PAG1: variants seen among roughly 807,000 people sequenced by gnomAD.
PAG1 encodes the protein phosphoprotein associated with glycosphingolipid-enriched microdomains 1.
Under a neutral mutation model 31.7 loss-of-function variants are expected in PAG1, and 23 were observed. The observed-to-expected ratio is 0.73, with a 90% CI of 0.52 to 1.03. The LOEUF (loss-of-function observed/expected upper bound fraction) is 1.03. PAG1 is among the 50% of genes least tolerant of loss of function. PAG1 has a pLI of 0.00. For synonymous variants in PAG1, 214 were observed against 210.3 expected (o/e 1.02, Z -0.15); for missense variants, 473 against 540.7 (o/e 0.87, Z 1.24).
At chr8:81,106,190 T>C (rs556488121) in intron 1 of PAG1, among the ~76,000 whole-genome samples, 33 of 152,154 alleles carry the variant, frequency 2.2e-4, no homozygotes, top group African/African-American at 8.0e-4. Context: ...GGATTACAGG[T>C]GCACACCACC....
chr8:81,037,611 A>T (rs1586180499), intron 2 of PAG1, among the ~76,000 whole-genome samples: 1 of 152,386 alleles, frequency 6.6e-6, no homozygotes, highest in African/African-American at 2.4e-5. Flanking sequence ...GTAAGATTAG[A>T]TTCAGTACTT....
In PAG1 at chr8:80,975,678, T is replaced by C. The variant is rs979423659; in HGVS notation, c.*866A>G. 1 of 152,210 alleles carries C rather than the reference T, an allele frequency of 6.6e-6. No individual in the cohort carries two copies. The highest frequency in any genetic ancestry group is 2.4e-5 in the African/African-American group (1 of 41,460). 9.4% of individuals were successfully genotyped at this position (152,210 alleles called of 1,614,324 possible). A position where few individuals can be genotyped will look rare whatever the true frequency, so the allele number is the denominator to read the frequency against. ...TCCCAACATAAAGATTAAGGCTCTC[T>C]GTTTTGAAGGAATGAGTTCTGGGCT... On this transcript the variant is annotated 3_prime_UTR_variant, in exon 9 of 9. Coordinates refer to ENST00000220597, the MANE Select transcript of PAG1 (RefSeq NM_018440.4).
chr8:81,071,561 G>A (rs1809093524), intron 1 of PAG1, among the ~76,000 whole-genome samples: 1 of 152,184 alleles, frequency 6.6e-6, no homozygotes, highest in Admixed American at 6.5e-5. Context: ...TTGGGAACAA[G>A]TATTTGGGAA....
chr8:81,092,954 G>A (rs1809472212), intron 1 of PAG1, among the ~76,000 whole-genome samples: 1 of 152,174 alleles, frequency 6.6e-6, no homozygotes. Flanking sequence ...ATATAGGCAA[G>A]TCACACCACC....
intron 3 of PAG1, among the ~76,000 whole-genome samples, chr8:80,997,091 C>T (rs1197975574): frequency 1.3e-5 from 2 of 152,158 alleles, no homozygotes; most frequent in Non-Finnish European, 1.5e-5. Flanking sequence ...TTATTTTAGG[C>T]TGATTCAATA....
intron 2 of PAG1, among the ~76,000 whole-genome samples, chr8:81,053,231 C>A (rs1169820914): frequency 6.6e-6 from 1 of 152,002 alleles, no homozygotes; most frequent in East Asian, 1.9e-4. Flanking sequence ...CCAATGAGGC[C>A]CTGAATAAAG....
At chr8:81,050,780 T>C (rs1250219768) in intron 2 of PAG1, among the ~76,000 whole-genome samples, 4 of 152,214 alleles carry the variant, frequency 2.6e-5, no homozygotes, top group Admixed American at 2.6e-4. Flanking sequence ...GTCCATCAGC[T>C]GGTGAGTCAA....
chr8:81,044,036 G>A (rs989195808), intron 2 of PAG1, among the ~76,000 whole-genome samples: 12 of 152,092 alleles, frequency 7.9e-5, no homozygotes, highest in East Asian at 1.9e-4. Flanking sequence ...CTTCTTGAAC[G>A]GTCAAGGCCA....
intron 1 of PAG1, among the ~76,000 whole-genome samples, chr8:81,090,390 TA>T (rs1420775410): frequency 3.3e-5 from 5 of 152,168 alleles, no homozygotes; most frequent in Non-Finnish European, 7.4e-5. Flanking sequence ...TGAGGACAAT[TA>T]AAAAGATAGG....
At position 81,057,631 on chromosome 8, in the gene PAG1, G is replaced by A. The variant is rs764942395; in HGVS notation, c.-175+12481C>T. Among the ~76,000 whole-genome samples the A allele has an allele frequency of 3.3e-5, 5 of 151,804 alleles. No homozygotes were observed. The East Asian group carries it at 7.8e-4, about 24-fold the overall frequency. ...ACCTAATGCAAATGACGAGTTAATC[G>A]GTGCAGCACACCAACATGGCACATG... On this transcript the variant is annotated intron_variant, in intron 2 of 8. Transcript: ENST00000220597.
At chr8:80,995,706 A>C (rs182680978) in intron 3 of PAG1, among the ~76,000 whole-genome samples, 14 of 152,330 alleles carry the variant, frequency 9.2e-5, no homozygotes, top group Admixed American at 7.8e-4. Context: ...TGTTCTTAAA[A>C]AGAGTTTGCT....
chr8:81,020,709 C>A (rs1224754041), intron 3 of PAG1, among the ~76,000 whole-genome samples: 1 of 152,104 alleles, frequency 6.6e-6, no homozygotes, highest in Non-Finnish European at 1.5e-5. Context: ...CAATAGGGTT[C>A]CTTTTTGTGA....
chr8:80,980,174 C>G (rs1468566261), intron 8 of PAG1, among the ~76,000 whole-genome samples: 1 of 152,194 alleles, frequency 6.6e-6, no homozygotes, highest in Admixed American at 6.5e-5. Flanking sequence ...CTCCCCTGCC[C>G]TCTCTATTTT....
intron 1 of PAG1, among the ~76,000 whole-genome samples, chr8:81,092,788 C>A (rs963278802): frequency 6.6e-6 from 1 of 152,218 alleles, no homozygotes; most frequent in Non-Finnish European, 1.5e-5. Context: ...TAATAAATCA[C>A]TTTTAATCCC....
intron 2 of PAG1, among the ~76,000 whole-genome samples, chr8:81,064,974 GGA>G (rs777312287): frequency 5.9e-5 from 9 of 152,202 alleles, no homozygotes; most frequent in Non-Finnish European, 1.3e-4. Flanking sequence ...AGCTATCAGT[GGA>G]GAGGAAACAG....
chr8:81,068,558 A>G (rs1244800365), intron 2 of PAG1, among the ~76,000 whole-genome samples: 1 of 152,260 alleles, frequency 6.6e-6, no homozygotes, highest in African/African-American at 2.4e-5. Flanking sequence ...ATATCTAGTC[A>G]GAAAAAAAGC....
chr8:81,054,681 GA>G (rs895777960), intron 2 of PAG1, among the ~76,000 whole-genome samples: 32 of 144,918 alleles, frequency 2.2e-4, no homozygotes, highest in South Asian at 1.1e-3. Flanking sequence ...TCTCAAAAAA[GA>G]AAAAAAAAAG....
In PAG1 at chr8:81,104,044, G is replaced by A. The variant is rs565114736; in HGVS notation, c.-234+7547C>T. 3.9e-5 allele frequency among the ~76,000 whole-genome samples: 6 copies of A among 151,988 alleles called. No homozygotes were observed. The South Asian group carries it at 1.2e-3, about 32-fold the overall frequency. Reference sequence around the variant, plus strand: ...AAAATTCCATGCGCTTCTTGAGATCGAAATTCATGCCTTGTTATTTTATTT... The same window carrying A: ...AAAATTCCATGCGCTTCTTGAGATCAAAATTCATGCCTTGTTATTTTATTT... On this transcript the variant is annotated intron_variant, in intron 1 of 8. Transcript: ENST00000220597.
intron 2 of PAG1, among the ~76,000 whole-genome samples, chr8:81,053,192 G>A (rs904987451): frequency 1.3e-5 from 2 of 152,198 alleles, no homozygotes; most frequent in African/African-American, 4.8e-5. Context: ...ATAATCTGAT[G>A]TTAGAATTTT....
Sources: allele counts gnomAD v4.1 joint callset (sites outside exome capture counted in the v4.1 genomes callset), GRCh38; gene constraint gnomAD v4.1.1; transcripts MANE v1.5; gene names NCBI Gene and HGNC (gene_info 2026-07-23, HGNC 2026-07-21).